SGCD: variants seen among roughly 807,000 people sequenced by gnomAD.
The protein encoded by SGCD is sarcoglycan delta, also known as delta-sarcoglycan.
SGCD carries 18 observed loss-of-function variants against 36.6 expected under a neutral mutation model. That is an observed-to-expected ratio of 0.49 (90% confidence interval 0.34 to 0.73). The LOEUF is 0.73. SGCD is among the 30% of genes least tolerant of loss of function. SGCD has a pLI of 0.01. For synonymous variants in SGCD, 133 were observed against 130.6 expected, an observed-to-expected ratio of 1.02 and a Z score of -0.12; for missense variants, 387 against 346.7, an observed-to-expected ratio of 1.12 and a Z score of -0.92.
intron 3 of SGCD, among the ~76,000 whole-genome samples, chr5:156,430,688 G>A (rs959139736): frequency 6.6e-5 from 10 of 151,862 alleles, no homozygotes; most frequent in South Asian, 2.1e-4. Context: ...TCCTCTCAAC[G>A]ATTGGACTTT....
intron 4 of SGCD, among the ~76,000 whole-genome samples, chr5:156,529,732 A>G (rs1001193922): frequency 3.9e-5 from 6 of 152,204 alleles, no homozygotes; most frequent in Non-Finnish European, 7.3e-5. Context: ...TTTTTGCCAT[A>G]TGAAATTATA....
intron 3 of SGCD, among the ~76,000 whole-genome samples, chr5:156,429,700 T>C (rs1413199670): frequency 1.3e-5 from 2 of 152,110 alleles, no homozygotes; most frequent in Non-Finnish European, 2.9e-5. Flanking sequence ...GCATTTCTTG[T>C]AGTGCTGATC....
In SGCD at chr5:155,875,948, C is replaced by A. The variant is rs991373707; in HGVS notation, c.-282+5524C>A. Among the ~76,000 whole-genome samples the A allele has an allele frequency of 1.1e-4, 16 of 151,932 alleles. No homozygotes were observed. The South Asian group carries it at 2.5e-3, about 24-fold the overall frequency. Reference sequence around the variant, plus strand: ...AAAAATTGAAGACATACCTAACACCCTGTGCAAATTGGGTCTGTTCATCTC... The same window carrying A: ...AAAAATTGAAGACATACCTAACACCATGTGCAAATTGGGTCTGTTCATCTC... On this transcript the variant is annotated intron_variant, in intron 1 of 9. Coordinates refer to the SGCD transcript ENST00000517913.
At chr5:156,210,953 G>A (rs1764424682) in intron 3 of SGCD, among the ~76,000 whole-genome samples, 2 of 151,962 alleles carry the variant, frequency 1.3e-5, no homozygotes, top group Admixed American at 1.3e-4. Flanking sequence ...TCCAGGTACA[G>A]GAAAGTCAAA....
chr5:156,402,216 G>A (rs1050421370), intron 3 of SGCD, among the ~76,000 whole-genome samples: 1 of 152,120 alleles, frequency 6.6e-6, no homozygotes, highest in African/African-American at 2.4e-5. Context: ...GCATCATGTT[G>A]CTATGAACAT....
the SGCD span, among the ~76,000 whole-genome samples, chr5:155,838,081 G>A: frequency 6.6e-6 from 1 of 152,174 alleles, no homozygotes; most frequent in Non-Finnish European, 1.5e-5. Context: ...CTGACAGACT[G>A]TTTTGAAGCA....
At chr5:156,383,011 A>G (rs1163310497) in intron 3 of SGCD, among the ~76,000 whole-genome samples, 1 of 152,176 alleles carries the variant, frequency 6.6e-6, no homozygotes, top group East Asian at 1.9e-4. Context: ...CCATCAGGCA[A>G]TTTTATAAGA....
At chr5:156,127,513 A>T (rs1762203992) in intron 3 of SGCD, among the ~76,000 whole-genome samples, 1 of 152,140 alleles carries the variant, frequency 6.6e-6, no homozygotes, top group South Asian at 2.1e-4. Context: ...GATACTCAGG[A>T]GGCTAAGGTG....
At chr5:156,582,488 C>T (rs1020757345) in intron 4 of SGCD, among the ~76,000 whole-genome samples, 4 of 152,206 alleles carry the variant, frequency 2.6e-5, no homozygotes, top group Non-Finnish European at 5.9e-5. Flanking sequence ...ATCTCTGTGA[C>T]ATCTGCACTC....
At position 156,595,103 on chromosome 5, in the gene SGCD, G is replaced by C. The variant is rs181973499; in HGVS notation, c.502+52G>C. On this transcript the variant is annotated intron_variant, in intron 6 of 8. Coordinates refer to ENST00000337851, the MANE Select transcript of SGCD (RefSeq NM_000337.6). ...GTTTGATGCTACTGTGTACATTTTA[G>C]AGGAGAAGCAAAATGGTGTTATGAA... The C allele has an allele frequency of 1.2e-3, 1,899 of 1,556,382 alleles. 7 individuals carry two copies. The Middle Eastern group carries it at 0.014, about 12-fold the overall frequency.
intron 1 of SGCD, among the ~76,000 whole-genome samples, chr5:155,966,174 AACCAAC>A (rs1212623286): frequency 1.3e-5 from 2 of 152,096 alleles, no homozygotes; most frequent in Non-Finnish European, 2.9e-5. Context: ...AATCCAATAG[AACCAAC>A]ACCTTTTAAT....
chr5:156,285,953 C>A (rs978292337), intron 3 of SGCD, among the ~76,000 whole-genome samples: 1 of 152,156 alleles, frequency 6.6e-6, no homozygotes, highest in Non-Finnish European at 1.5e-5. Flanking sequence ...CCAGAATCTA[C>A]AATGAACTCC....
the SGCD span, among the ~76,000 whole-genome samples, chr5:155,748,726 A>T: frequency 1.3e-5 from 2 of 152,218 alleles, no homozygotes; most frequent in African/African-American, 4.8e-5. Context: ...ATTGTCCATC[A>T]TGGCCCAAGC....
chr5:156,261,444 A>T (rs1765861445), intron 3 of SGCD, among the ~76,000 whole-genome samples: 1 of 152,186 alleles, frequency 6.6e-6, no homozygotes, highest in African/African-American at 2.4e-5. Context: ...GAGATGAAAA[A>T]TTTTTGTTGT....
chr5:156,228,171 G>T (rs531904237), intron 3 of SGCD, among the ~76,000 whole-genome samples: 1 of 152,190 alleles, frequency 6.6e-6, no homozygotes, highest in Admixed American at 6.6e-5. Context: ...TTGTATCAAG[G>T]TATAATTTAA....
At chr5:156,488,822 A>G (rs1180634774) in intron 3 of SGCD, among the ~76,000 whole-genome samples, 1 of 152,202 alleles carries the variant, frequency 6.6e-6, no homozygotes, top group Non-Finnish European at 1.5e-5. Flanking sequence ...GAATAATGGA[A>G]CAAAGTGTAT....
At chr5:156,501,890 T>C (rs977268885) in intron 3 of SGCD, among the ~76,000 whole-genome samples, 2 of 152,186 alleles carry the variant, frequency 1.3e-5, no homozygotes, top group Non-Finnish European at 2.9e-5. Context: ...ACAGCGCTCA[T>C]TCAGTCAAGA....
chr5:156,309,540 T>C (rs1581234590), intron 3 of SGCD, among the ~76,000 whole-genome samples: 4 of 152,030 alleles, frequency 2.6e-5, no homozygotes, highest in Non-Finnish European at 1.5e-5. Context: ...TATTAATATT[T>C]CTATTTTGTT....
At chr5:155,763,692 A>T in the SGCD span, among the ~76,000 whole-genome samples, 87 of 152,348 alleles carry the variant, frequency 5.7e-4, no homozygotes, top group Admixed American at 3.7e-3. Flanking sequence ...GTGAATGAAC[A>T]TATGTGTTGA....
Sources: allele counts gnomAD v4.1 joint callset (sites outside exome capture counted in the v4.1 genomes callset), GRCh38; gene constraint gnomAD v4.1.1; transcripts MANE v1.5; gene names NCBI Gene and HGNC (gene_info 2026-07-23, HGNC 2026-07-21).